GPR161: variants seen among roughly 807,000 people sequenced by gnomAD.
The protein encoded by GPR161 is G-protein coupled receptor RE2.
A neutral mutation model predicts 39.2 loss-of-function variants in GPR161; 25 were observed. The observed-to-expected ratio is 0.64, with a 90% CI of 0.47 to 0.89. GPR161 has a LOEUF of 0.89. Among genes scored for constraint, GPR161 ranks in the 40% least tolerant of loss-of-function variants. The pLI, the probability that GPR161 is intolerant of heterozygous loss-of-function variation, is 0.00. For synonymous variants in GPR161, 286 were observed against 276.6 expected (o/e 1.03, Z -0.34); for missense variants, 547 against 677.8 (o/e 0.81, Z 2.14).
At position 168,085,363 on chromosome 1, in the gene GPR161, CATT is replaced by C; in HGVS notation, c.*165_*167del. Reference sequence around the variant, plus strand: ...AAATGCTGAAGCTGTGGACTGTAGACATTATTTTCAGTCCTTGTCCTGGTGGCT... The same window carrying C: ...AAATGCTGAAGCTGTGGACTGTAGACATTTTCAGTCCTTGTCCTGGTGGCT... On this transcript the variant is annotated 3_prime_UTR_variant, in exon 6 of 6. Transcript: ENST00000682931. The C allele has an allele frequency of 1.6e-6, 1 of 632,962 alleles. No homozygotes were observed. The highest frequency in any genetic ancestry group is 2.8e-6 in the Non-Finnish European group (1 of 359,908). 39.2% of individuals were successfully genotyped at this position (632,962 alleles called of 1,614,324 possible).
At chr1:168,090,837 C>T (rs374634392) in intron 3 of GPR161, among the ~76,000 whole-genome samples, 169 bp from the exon 4 acceptor site, 2 of 152,242 alleles carry the variant, frequency 1.3e-5, no homozygotes, top group East Asian at 3.8e-4. Flanking sequence ...GCTCGCCCCT[C>T]TTTTCTGTCC....
intron 1 of GPR161, among the ~76,000 whole-genome samples, chr1:168,132,226 C>T (rs1364300564): frequency 6.6e-6 from 1 of 151,898 alleles, no homozygotes; most frequent in Admixed American, 6.6e-5. Context: ...GATCATGCCA[C>T]TGCACTCCAG....
In GPR161 at chr1:168,080,062, G is replaced by C. The variant is rs991445086; in HGVS notation, c.*5469C>G. On this transcript the variant is annotated 3_prime_UTR_variant, in exon 6 of 6. Transcript: ENST00000682931. Reference sequence around the variant, plus strand: ...TGTAATCTTGTGCAGATTTGAGTTTGTGCTTTGATGTTTTCAAAGGAATCT... The same window carrying C: ...TGTAATCTTGTGCAGATTTGAGTTTCTGCTTTGATGTTTTCAAAGGAATCT... 6.6e-6 allele frequency: 1 copy of C among 152,148 alleles called. No homozygotes were observed. Among genetic ancestry groups the C allele is most frequent in the Non-Finnish European group, 1.5e-5 (1 of 68,026 alleles). The allele number at this position is 152,148 out of a possible 1,614,324, so 9.4% of individuals were successfully genotyped here. A position where few individuals can be genotyped will look rare whatever the true frequency, so the allele number is the denominator to read the frequency against.
intron 1 of GPR161, among the ~76,000 whole-genome samples, chr1:168,130,101 C>T (rs1698876224): frequency 6.6e-6 from 1 of 152,242 alleles, no homozygotes; most frequent in Non-Finnish European, 1.5e-5. Flanking sequence ...TGCTAATCAT[C>T]CTACCCTGTA....
chr1:168,089,952 CG>C (rs754391462), intron 4 of GPR161, among the ~76,000 whole-genome samples: 20 of 152,160 alleles, frequency 1.3e-4, no homozygotes, highest in Non-Finnish European at 2.2e-4. Flanking sequence ...GGTGGAGATG[CG>C]TTTCTACAGG....
At chr1:168,130,318 T>A (rs748204275) in intron 1 of GPR161, among the ~76,000 whole-genome samples, 2 of 152,200 alleles carry the variant, frequency 1.3e-5, no homozygotes, top group Non-Finnish European at 2.9e-5. Flanking sequence ...ATCTTCGAAC[T>A]TCCTTTGATG....
intron 1 of GPR161, chr1:168,135,067 G>C: frequency 2.0e-6 from 3 of 1,484,552 alleles, no homozygotes; most frequent in Non-Finnish European, 2.7e-6. Context: ...TTCGGATATC[G>C]TTGCGGCCTT....
intron 1 of GPR161, among the ~76,000 whole-genome samples, chr1:168,135,421 G>T (rs1046086147): frequency 8.3e-4 from 127 of 152,142 alleles, no homozygotes; most frequent in Non-Finnish European, 1.3e-4. Context: ...GAGGAGGACC[G>T]GAAGAGAGGT....
intron 1 of GPR161, among the ~76,000 whole-genome samples, chr1:168,116,951 C>T (rs1047895310): frequency 1.3e-5 from 2 of 152,164 alleles, no homozygotes; most frequent in African/African-American, 4.8e-5. Context: ...GGCCTATGGA[C>T]TTCTGAATTC....
chr1:168,115,153 G>A (rs1331072106), intron 1 of GPR161, among the ~76,000 whole-genome samples: 1 of 152,096 alleles, frequency 6.6e-6, no homozygotes, highest in Non-Finnish European at 1.5e-5. Flanking sequence ...GTGGATAGGT[G>A]GGGAGGACAC....
chr1:168,136,207 A>C, intron 1 of GPR161: 1 of 1,277,388 alleles, frequency 7.8e-7, no homozygotes. Flanking sequence ...CCGCCCGCCC[A>C]GGCTCGGGGA....
At chr1:168,115,051 A>T (rs115969550) in intron 1 of GPR161, among the ~76,000 whole-genome samples, 1 of 152,176 alleles carries the variant, frequency 6.6e-6, no homozygotes, top group Non-Finnish European at 1.5e-5. Context: ...ACAAAATACG[A>T]ACCCAGGGTT....
chr1:168,107,350 C>A (rs1484346010), intron 1 of GPR161, among the ~76,000 whole-genome samples: 1 of 152,156 alleles, frequency 6.6e-6, no homozygotes, highest in Non-Finnish European at 1.5e-5. Flanking sequence ...AGAAGTGGAG[C>A]CTTTCTAAGA....
At chr1:168,101,953 G>C (rs1696144161) in intron 2 of GPR161, among the ~76,000 whole-genome samples, 1 of 152,084 alleles carries the variant, frequency 6.6e-6, no homozygotes, top group Non-Finnish European at 1.5e-5. Context: ...ACAGGTACCT[G>C]CCACCATGCC....
In GPR161 at chr1:168,098,323, T is replaced by G. The variant is rs894491718; in HGVS notation, c.375-1091A>C. The stretch of plus-strand genomic sequence containing the variant: ...GGCCGGGGCATGCAGAGCTAAGGAC[T>G]GTAGGCCCAGCTAAGGACTGGCCCT... On this transcript the variant is annotated intron_variant, in intron 2 of 5. Coordinates refer to ENST00000682931, the MANE Select transcript of GPR161 (RefSeq NM_001375883.1). This position sits in a 1 kb window ranked among gnomAD's most constrained non-coding sequence, Gnocchi z 4.1. Among the ~76,000 whole-genome samples the G allele has an allele frequency of 6.6e-6, 1 of 152,174 alleles. No individual in the cohort carries two copies. Among genetic ancestry groups the G allele is most frequent in the African/African-American group, 2.4e-5 (1 of 41,436 alleles).
chr1:168,132,222 G>A, intron 1 of GPR161, among the ~76,000 whole-genome samples: 1 of 151,992 alleles, frequency 6.6e-6, no homozygotes, highest in East Asian at 1.9e-4. Context: ...CCGAGATCAT[G>A]CCACTGCACT....
intron 1 of GPR161, among the ~76,000 whole-genome samples, chr1:168,122,862 T>TA (rs1698292096): frequency 2.0e-5 from 3 of 152,212 alleles, no homozygotes; most frequent in Admixed American, 2.0e-4. Context: ...TTTATCTTGT[T>TA]AATGTCTTAC....
intron 2 of GPR161, among the ~76,000 whole-genome samples, chr1:168,102,912 TAAAAAA>T (rs74372180): frequency 8.2e-5 from 12 of 147,134 alleles, no homozygotes; most frequent in African/African-American, 3.0e-4. Flanking sequence ...AACTTTTTTT[TAAAAAA>T]AAATTATATA....
chr1:168,133,211 C>A (rs1304421292), intron 1 of GPR161, among the ~76,000 whole-genome samples: 1 of 152,202 alleles, frequency 6.6e-6, no homozygotes, highest in East Asian at 1.9e-4. Context: ...CTTTCCAATT[C>A]ACTACTTATT....
Sources: gnomAD v4.1 joint callset for allele counts (sites outside exome capture counted in the v4.1 genomes callset) on GRCh38, gnomAD v4.1.1 for gene constraint, Gnocchi (gnomAD v3.1) non-coding constraint, MANE v1.5 for transcripts, NCBI Gene and HGNC (gene_info 2026-07-23, HGNC 2026-07-21) for gene names.